The following CELF2 variants were observed in gnomAD, a reference collection of about 807,000 sequenced individuals.
The protein encoded by CELF2 is CUG triplet repeat RNA-binding protein 2.
In CELF2, 8 loss-of-function variants were observed where a neutral mutation model predicts 62.6. The observed-to-expected ratio is 0.13, with a 90% CI of 0.07 to 0.23. The LOEUF (loss-of-function observed/expected upper bound fraction) is 0.23, where lower values mean the gene tolerates loss of function less well. Among genes scored for constraint, CELF2 ranks in the 10% least tolerant of loss-of-function variants. The pLI, the probability that CELF2 is intolerant of heterozygous loss-of-function variation, is 1.00. For synonymous variants in CELF2, 258 were observed against 250.0 expected (o/e 1.03, Z -0.30); for missense variants, 333 against 671.0 (o/e 0.50, Z 5.56).
At chr10:11,081,359 G>C (rs2073986243) in intron 1 of CELF2, among the ~76,000 whole-genome samples, 1 of 152,142 alleles carries the variant, frequency 6.6e-6, no homozygotes, top group African/African-American at 2.4e-5. Context: ...TAATTGAAAG[G>C]GTGCTTCTTG....
chr10:10,749,065 G>A, the CELF2 span, among the ~76,000 whole-genome samples: 13 of 152,294 alleles, frequency 8.5e-5, no homozygotes, highest in South Asian at 2.1e-4. Flanking sequence ...CGGGAGATTC[G>A]TAGCAGGAAT....
At chr10:10,724,672 A>AAG in the CELF2 span, among the ~76,000 whole-genome samples, 6 of 143,784 alleles carry the variant, frequency 4.2e-5, no homozygotes, top group Non-Finnish European at 9.0e-5. Context: ...AAAAAAAAAG[A>AAG]AAAAAGAAAA....
At chr10:10,753,920 G>C in the CELF2 span, among the ~76,000 whole-genome samples, 1 of 152,158 alleles carries the variant, frequency 6.6e-6, no homozygotes, top group African/African-American at 2.4e-5. Context: ...ATTTATAGGT[G>C]AGGGTTTATT....
chr10:10,890,106 T>G (rs545620968), intron 1 of CELF2, among the ~76,000 whole-genome samples: 1 of 152,312 alleles, frequency 6.6e-6, no homozygotes, highest in South Asian at 2.1e-4. Context: ...GGCATGTAGA[T>G]ATGATGAGTT....
At chr10:10,560,513 C>G in the CELF2 span, among the ~76,000 whole-genome samples, 1 of 152,058 alleles carries the variant, frequency 6.6e-6, no homozygotes, top group Non-Finnish European at 1.5e-5. Context: ...ATTCACTCAC[C>G]GGTTCCCTCC....
At position 11,187,751 on chromosome 10, in the gene CELF2, A is replaced by G. The variant is rs551398033; in HGVS notation, c.271+22069A>G. Among the ~76,000 whole-genome samples, 3 of 151,898 alleles carry G rather than the reference A, an allele frequency of 2.0e-5. No homozygotes were observed. In the South Asian group the frequency reaches 6.3e-4, roughly 32 times the overall value. ...AACTTCATGTATAGCATGAGAATCT[A>G]CTTCCATTTCTCCCTTCGCAGACTT... On this transcript the variant is annotated intron_variant, in intron 2 of 12. Coordinates refer to ENST00000633077, the MANE Select transcript of CELF2 (RefSeq NM_001326342.2).
At position 11,197,052 on chromosome 10, in the gene CELF2, A is replaced by AGAAAGAAG. The variant is rs71378782; in HGVS notation, c.272-20366_272-20365insGGAAAGAA. Among the ~76,000 whole-genome samples the AGAAAGAAG allele has an allele frequency of 3.7e-3, 118 of 31,686 alleles. 18 individuals are homozygous for AGAAAGAAG. Among genetic ancestry groups the AGAAAGAAG allele is most frequent in the African/African-American group, 0.014 (110 of 7,828 alleles). The allele number at this position is 31,686 out of a possible 152,430, so 20.8% of individuals were successfully genotyped here. ...AAGAAAGAAAGAAAGAAAGAAAGAAAGAAAGAAAAGAAAGAAAGGAAAGAA... is the reference window on the plus strand; with the variant it reads ...AAGAAAGAAAGAAAGAAAGAAAGAAAGAAAGAAGGAAAGAAAAGAAAGAAAGGAAAGAA... On this transcript the variant is annotated intron_variant, in intron 2 of 12. Coordinates refer to ENST00000633077, the MANE Select transcript of CELF2 (RefSeq NM_001326342.2).
At chr10:10,612,937 C>A in the CELF2 span, among the ~76,000 whole-genome samples, 383 of 152,262 alleles carry the variant, frequency 2.5e-3, 4 homozygotes, top group South Asian at 9.3e-3. Context: ...GACATTTCAA[C>A]CCACGGTTAG....
rs577780465 is a variant in CELF2, at chr10:11,327,330, T to G, written c.1438+1351T>G. On this transcript the variant is annotated intron_variant, in intron 12 of 12. Coordinates refer to ENST00000633077, the MANE Select transcript of CELF2 (RefSeq NM_001326342.2). ...AGATTTGGAAGGGAATTCTGCTTCATGATTTGATTTGAGAAAATACTTCCT... is the reference window on the plus strand; with the variant it reads ...AGATTTGGAAGGGAATTCTGCTTCAGGATTTGATTTGAGAAAATACTTCCT... Among the ~76,000 whole-genome samples, 4 of 152,334 alleles carry G rather than the reference T, an allele frequency of 2.6e-5. No homozygotes were observed. The East Asian group carries it at 5.8e-4, about 22-fold the overall frequency.
At chr10:10,721,313 C>T in the CELF2 span, among the ~76,000 whole-genome samples, 1 of 151,990 alleles carries the variant, frequency 6.6e-6, no homozygotes, top group African/African-American at 2.4e-5. Flanking sequence ...TTTGTTTACA[C>T]ATACTTAATG....
the CELF2 span, among the ~76,000 whole-genome samples, chr10:10,588,222 G>A: frequency 2.0e-5 from 3 of 152,052 alleles, no homozygotes; most frequent in Admixed American, 6.6e-5. Flanking sequence ...GAGACACCCT[G>A]GTGTCTTCAG....
intron 1 of CELF2, among the ~76,000 whole-genome samples, chr10:11,026,991 A>G (rs1017994676): frequency 6.6e-6 from 1 of 152,136 alleles, no homozygotes; most frequent in Non-Finnish European, 1.5e-5. Context: ...TGGGCCAGCT[A>G]TATTTGGCTA....
Position 10,830,059 on chromosome 10 carries a change from A to C in CELF2, c.53+31242A>C, listed in dbSNP as rs192108547. Among the ~76,000 whole-genome samples the C allele has an allele frequency of 1.8e-3, 270 of 149,086 alleles. 2 individuals carry two copies. The highest frequency in any genetic ancestry group is 0.014 in the South Asian group (61 of 4,490). On this transcript the variant is annotated intron_variant, in intron 1 of 13. Transcript: ENST00000636488. ...TTTACCTCTTTGCCTGCCTGGCATG[A>C]GTGTATCCGTGTAGAAAAGTTAAAC...
chr10:10,666,822 AC>A, the CELF2 span, among the ~76,000 whole-genome samples: 1 of 131,306 alleles, frequency 7.6e-6, no homozygotes, highest in Non-Finnish European at 1.6e-5. Flanking sequence ...AGATCGCGCC[AC>A]TGCACTCCAG....
chr10:11,149,405 C>T (rs940150475), intron 1 of CELF2, among the ~76,000 whole-genome samples: 2 of 152,204 alleles, frequency 1.3e-5, no homozygotes, highest in South Asian at 2.1e-4. Context: ...TCCCCACCCT[C>T]ATCAGCAGAT....
chr10:11,164,200 C>T (rs375472356), intron 1 of CELF2, among the ~76,000 whole-genome samples: 1 of 152,162 alleles, frequency 6.6e-6, no homozygotes, highest in East Asian at 1.9e-4. Context: ...AATGAGCTGC[C>T]GAGAGGCATT....
chr10:11,261,418 CTTT>C (rs11388167), intron 5 of CELF2, among the ~76,000 whole-genome samples: 2 of 146,112 alleles, frequency 1.4e-5, no homozygotes, highest in Non-Finnish European at 1.5e-5. Context: ...GAATCACTGC[CTTT>C]TTTTTTTTTT....
the CELF2 span, among the ~76,000 whole-genome samples, chr10:10,715,278 G>GA: frequency 3.3e-5 from 5 of 152,098 alleles, no homozygotes; most frequent in African/African-American, 9.7e-5. Context: ...AGTAACTGGG[G>GA]AAAAAATTTG....
chr10:11,105,990 T>A (rs2053340889), intron 1 of CELF2, among the ~76,000 whole-genome samples: 1 of 152,220 alleles, frequency 6.6e-6, no homozygotes, highest in Admixed American at 6.5e-5. Context: ...TATGCAGGTA[T>A]TCACTTGGCT....
Sources: allele counts gnomAD v4.1 joint callset (sites outside exome capture counted in the v4.1 genomes callset), GRCh38; gene constraint gnomAD v4.1.1; transcripts MANE v1.5; gene names NCBI Gene and HGNC (gene_info 2026-07-23, HGNC 2026-07-21).